Variants in HMCN1 observed in about 807,000 individuals in gnomAD.
The protein encoded by HMCN1 is hemicentin-1.
HMCN1 carries 321 observed loss-of-function variants against 625.9 expected under a neutral mutation model. The observed-to-expected ratio is 0.51, with a 90% confidence interval of 0.47 to 0.56. The LOEUF (loss-of-function observed/expected upper bound fraction) is 0.56. Ranked by LOEUF, HMCN1 falls within the 20% of genes least tolerant of loss-of-function variation. The pLI, the probability that HMCN1 is intolerant of heterozygous loss-of-function variation, is 0.00. For missense variants in HMCN1, 6,588 were observed against 6,887.3 expected (o/e 0.96, Z 1.54); for synonymous variants, 2,425 against 2,417.6 (o/e 1.00, Z -0.09).
chr1:186,065,394 G>T lies in HMCN1; in HGVS notation c.7670G>T (p.Gly2557Val). The change falls in exon 49 of 107, where the codon GGC becomes GTC. Residue 2557 changes from glycine (G) to valine (V), a missense_variant. Physicochemically the swap from Gly to Val is moderately radical, Grantham distance 109. Coordinates refer to ENST00000271588, the MANE Select transcript of HMCN1 (RefSeq NM_031935.3). ...RYTCLASSPA[G>V]HKSRSFSLNV... ...ACATGTTTGGCTTCCAGTCCAGCTG[G>T]CCACAAGAGCAGGAGCTTCAGTCTT... 6.2e-7 allele frequency: 1 copy of T among 1,609,374 alleles called. No individual in the cohort carries two copies.
intron 64 of HMCN1, 96 bp from the exon 65 acceptor site, chr1:186,093,038 C>A: frequency 6.5e-7 from 1 of 1,534,548 alleles, no homozygotes; most frequent in South Asian, 1.1e-5. Context: ...CTTGAATTTT[C>A]CATCACTTTC....
chr1:186,166,170 G>GT lies in HMCN1; in HGVS notation c.15320-11dup, dbSNP rs774592777. On this transcript the variant is annotated splice_polypyrimidine_tract_variant and intron_variant, in intron 98 of 106. Coordinates refer to ENST00000271588, the MANE Select transcript of HMCN1 (RefSeq NM_031935.3). The stretch of plus-strand genomic sequence containing the variant: ...TTTACATACTGATTTGGGCCTTTTT[G>GT]TTTCTTCTTTAAGATGAGGATGAAT... 8.1e-6 allele frequency: 13 copies of GT among 1,613,600 alleles called. No individual in the cohort carries two copies. The African/African-American group carries it at 1.7e-4, about 22-fold the overall frequency.
chr1:186,140,682 G>A (rs965458387), intron 89 of HMCN1, among the ~76,000 whole-genome samples: 2 of 152,012 alleles, frequency 1.3e-5, no homozygotes, highest in Admixed American at 6.6e-5. Flanking sequence ...TCTGATTTCT[G>A]CTTGAATCAG....
chr1:186,164,459 G>A (rs939494046), intron 97 of HMCN1, among the ~76,000 whole-genome samples: 9 of 152,004 alleles, frequency 5.9e-5, no homozygotes, highest in Admixed American at 6.6e-5. Context: ...TAGGCAGGAT[G>A]GTCTCGATCT....
intron 68 of HMCN1, among the ~76,000 whole-genome samples, chr1:186,101,197 C>T (rs1389747515): frequency 6.6e-6 from 1 of 151,778 alleles, no homozygotes; most frequent in Non-Finnish European, 1.5e-5. Context: ...GGTATTGTAG[C>T]TCAAATTAGA....
At chr1:185,800,781 A>G (rs990522417) in intron 1 of HMCN1, among the ~76,000 whole-genome samples, 2 of 152,216 alleles carry the variant, frequency 1.3e-5, no homozygotes, top group African/African-American at 4.8e-5. Context: ...TACTTACTAT[A>G]GAAAAAAATA....
At chr1:185,895,313 T>C (rs1174841383) in intron 4 of HMCN1, among the ~76,000 whole-genome samples, 1 of 152,196 alleles carries the variant, frequency 6.6e-6, no homozygotes, top group Non-Finnish European at 1.5e-5. Flanking sequence ...TTTTGTGGGT[T>C]TTGAGTATTA....
At chr1:185,904,999 T>C (rs1666018473) in intron 4 of HMCN1, among the ~76,000 whole-genome samples, 1 of 151,798 alleles carries the variant, frequency 6.6e-6, no homozygotes, top group Non-Finnish European at 1.5e-5. Context: ...TCTGTGAAAT[T>C]TTCCTTTGCA....
rs199797692 is a variant in HMCN1, at chr1:186,017,017, A to G, written c.5246A>G (p.Asn1749Ser). The change falls in exon 33 of 107, where the codon AAT becomes AGT. Residue 1749 changes from asparagine to serine, a missense_variant. By Grantham distance (46) the Asn-to-Ser change is conservative (BLOSUM62 1). Transcript: ENST00000271588. ...DETSYFIVMV[N>S]NLLELDCHVT... ...ACATCTTACTTCATTGTGATGGTTAATAACTTACTGGAGCTAGATTGTCAT... is the reference window on the plus strand; with the variant it reads ...ACATCTTACTTCATTGTGATGGTTAGTAACTTACTGGAGCTAGATTGTCAT... 1 of 1,610,738 alleles carries G rather than the reference A, an allele frequency of 6.2e-7. No homozygotes were observed. The highest frequency in any genetic ancestry group is 8.5e-7 in the Non-Finnish European group (1 of 1,177,258).
chr1:186,143,433 C>A (rs899395820), intron 89 of HMCN1, among the ~76,000 whole-genome samples: 5 of 152,070 alleles, frequency 3.3e-5, no homozygotes, highest in Admixed American at 2.0e-4. Context: ...GAATCTCAGC[C>A]CAGGTACCTG....
intron 4 of HMCN1, among the ~76,000 whole-genome samples, chr1:185,902,405 C>CTCTATCTA (rs57523158): frequency 1.9e-3 from 275 of 145,452 alleles, no homozygotes; most frequent in East Asian, 4.6e-3. Context: ...ATCTATCTAT[C>CTCTATCTA]TCTATCTATC....
At chr1:185,919,329 C>A (rs934445753) in intron 6 of HMCN1, among the ~76,000 whole-genome samples, 1 of 152,122 alleles carries the variant, frequency 6.6e-6, no homozygotes, top group Non-Finnish European at 1.5e-5. Flanking sequence ...TAAAAGCTTT[C>A]TTGCTTATGT....
intron 6 of HMCN1, among the ~76,000 whole-genome samples, chr1:185,920,227 T>G (rs1028434791): frequency 1.3e-5 from 2 of 152,160 alleles, no homozygotes; most frequent in Non-Finnish European, 2.9e-5. Flanking sequence ...ATTAGCTCAT[T>G]TTTTTTCTTT....
At position 185,909,281 on chromosome 1, in the gene HMCN1, A is replaced by T. The variant is rs1019001821; in HGVS notation, c.622-56A>T. 9.5e-6 allele frequency: 13 copies of T among 1,370,220 alleles called. No homozygotes were observed. In the African/African-American group the frequency reaches 1.6e-4, roughly 17 times the overall value. 84.9% of individuals were successfully genotyped at this position (1,370,220 alleles called of 1,614,324 possible). The stretch of plus-strand genomic sequence containing the variant: ...ACCCAAAGGACCTGAAACAGCAATG[A>T]TATAAAACTGCGAATGTTTTCTGAT... On this transcript the variant is annotated intron_variant, in intron 4 of 106. Transcript: ENST00000271588.
intron 1 of HMCN1, among the ~76,000 whole-genome samples, chr1:185,746,414 G>A (rs921724465): frequency 6.6e-6 from 1 of 152,108 alleles, no homozygotes; most frequent in Non-Finnish European, 1.5e-5. Context: ...CTAGAGGCTG[G>A]AAGTGCAAAA....
chr1:186,003,884 T>C (rs767639618), intron 29 of HMCN1, 40 bp downstream of exon 29: 15 of 1,601,654 alleles, frequency 9.4e-6, no homozygotes, highest in Admixed American at 1.7e-5. Flanking sequence ...GTTTCAATGA[T>C]AGGAAAAAGA....
intron 105 of HMCN1, 70 bp from the exon 106 acceptor site, chr1:186,187,813 A>G (rs1407775798): frequency 6.9e-6 from 11 of 1,597,900 alleles, no homozygotes; most frequent in Non-Finnish European, 9.4e-6. Flanking sequence ...TCACACATCT[A>G]CAGTGCCTGC....
chr1:185,913,199 G>A (rs541762192), intron 6 of HMCN1, among the ~76,000 whole-genome samples: 4 of 152,298 alleles, frequency 2.6e-5, no homozygotes, highest in African/African-American at 9.6e-5. Context: ...TAGGTGAAAA[G>A]GCATGTGAAA....
chr1:186,027,200 G>C (rs933087330), intron 36 of HMCN1, among the ~76,000 whole-genome samples: 2 of 152,130 alleles, frequency 1.3e-5, no homozygotes, highest in South Asian at 4.1e-4. Context: ...CATTCTCATG[G>C]GGTTTTCCAG....
Sources: allele counts gnomAD v4.1 joint callset (sites outside exome capture counted in the v4.1 genomes callset), GRCh38; gene constraint gnomAD v4.1.1; transcripts MANE v1.5; gene names NCBI Gene and HGNC (gene_info 2026-07-23, HGNC 2026-07-21).